The following ZNF248 variants were observed in gnomAD, a reference collection of about 807,000 sequenced individuals.
ZNF248 encodes the protein KRAB protein domain.
ZNF248 carries 20 observed loss-of-function variants against 44.3 expected under a neutral mutation model. The ratio of observed to expected loss-of-function variants is 0.45; its 90% CI spans 0.32 to 0.66. ZNF248 has a LOEUF of 0.66. ZNF248 is among the 30% of genes least tolerant of loss of function. ZNF248 has a pLI of 0.04. For missense variants in ZNF248, 654 were observed against 677.0 expected, an observed-to-expected ratio of 0.97 and a Z score of 0.38; for synonymous variants, 224 against 229.0, an observed-to-expected ratio of 0.98 and a Z score of 0.20.
Position 37,820,447 on chromosome 10 carries a change from G to T in ZNF248, c.330+12578C>A, listed in dbSNP as rs1252856384. ...CCTCCGTTGCCTCCTTTGCAGTGCT[G>T]CCATCTAAACCACAGAGGGGCTGTT... On this transcript the variant is annotated intron_variant, in intron 6 of 6. Coordinates refer to the ZNF248 transcript ENST00000615949. 3 of 1,581,246 alleles carry T rather than the reference G, an allele frequency of 1.9e-6. No individual in the cohort carries two copies. The East Asian group carries it at 6.7e-5, about 35-fold the overall frequency.
chr10:37,769,126 G>A, the ZNF248 span, among the ~76,000 whole-genome samples: 2,065 of 152,180 alleles, frequency 0.014, 49 homozygotes, highest in African/African-American at 0.047. Flanking sequence ...TGTGGCAATA[G>A]TCAATAGCTT....
the ZNF248 span, among the ~76,000 whole-genome samples, chr10:37,761,522 A>C: frequency 6.6e-6 from 1 of 152,242 alleles, no homozygotes; most frequent in Non-Finnish European, 1.5e-5. Flanking sequence ...TTTAAATATA[A>C]GATATACATG....
chr10:37,818,240 C>T (rs2052864134), intron 6 of ZNF248, among the ~76,000 whole-genome samples: 1 of 152,142 alleles, frequency 6.6e-6, no homozygotes, highest in Non-Finnish European at 1.5e-5. Flanking sequence ...TTCAAGTCCA[C>T]AATCTTCATC....
At chr10:37,807,310 A>C (rs898288223) in intron 6 of ZNF248, among the ~76,000 whole-genome samples, 2 of 152,148 alleles carry the variant, frequency 1.3e-5, no homozygotes, top group Non-Finnish European at 2.9e-5. Context: ...ATTATGATTT[A>C]TAGCTTTGTA....
intron 6 of ZNF248, among the ~76,000 whole-genome samples, chr10:37,799,514 G>A (rs1339348880): frequency 6.6e-6 from 1 of 152,078 alleles, no homozygotes; most frequent in African/African-American, 2.4e-5. Flanking sequence ...AGCTGAGATC[G>A]CGCCACTGCA....
chr10:37,821,909 C>T (rs1354734091), intron 6 of ZNF248, among the ~76,000 whole-genome samples: 5 of 152,228 alleles, frequency 3.3e-5, no homozygotes, highest in Non-Finnish European at 5.9e-5. Flanking sequence ...CAAACTACCT[C>T]TCCAGTTCTC....
At chr10:37,827,702 GA>G (rs2054605023), downstream of ZNF248, among the ~76,000 whole-genome samples, 1 of 152,180 alleles carries the variant, frequency 6.6e-6, no homozygotes, top group Non-Finnish European at 1.5e-5. Context: ...GAAAAGGAGA[GA>G]TATGATGAAA....
intron 6 of ZNF248, among the ~76,000 whole-genome samples, chr10:37,782,235 T>C (rs2047400927): frequency 6.6e-6 from 1 of 152,116 alleles, no homozygotes; most frequent in Admixed American, 6.6e-5. Flanking sequence ...AAACAGATTG[T>C]TTTTTTGAGT....
At chr10:37,770,646 T>G in the ZNF248 span, among the ~76,000 whole-genome samples, 600 of 152,298 alleles carry the variant, frequency 3.9e-3, 7 homozygotes, top group African/African-American at 0.014. Flanking sequence ...GACTTACATG[T>G]TAGACCTAAA....
intron 6 of ZNF248, among the ~76,000 whole-genome samples, chr10:37,822,660 C>T (rs2053665034): frequency 6.6e-6 from 1 of 151,232 alleles, no homozygotes; most frequent in Admixed American, 6.6e-5. Context: ...TCAGGGGTGT[C>T]CAATCTTTTG....
At chr10:37,776,613 C>A in intron 6 of ZNF248, 2 of 397,940 alleles carry the variant, frequency 5.0e-6, no homozygotes, top group Non-Finnish European at 8.9e-6. Flanking sequence ...AAACTTCACT[C>A]AGGGTTCCAA....
intron 6 of ZNF248, chr10:37,821,055 T>TGAAGTGAGCA: frequency 4.5e-6 from 4 of 884,502 alleles, no homozygotes; most frequent in Non-Finnish European, 7.2e-6. Context: ...TTTTAATCAG[T>TGAAGTGAGCA]TATGCTCACT....
intron 6 of ZNF248, among the ~76,000 whole-genome samples, chr10:37,780,099 T>C (rs1308396612): frequency 6.7e-6 from 1 of 149,754 alleles, no homozygotes; most frequent in Admixed American, 6.8e-5. Flanking sequence ...CCCAAGGTAA[T>C]TTACAGATTC....
At position 37,830,419 on chromosome 10, in the gene ZNF248, G is replaced by T; in HGVS notation, c.*1196C>A. 2.0e-6 allele frequency: 2 copies of T among 985,266 alleles called. No homozygotes were observed. The highest frequency in any genetic ancestry group is 2.4e-6 in the Non-Finnish European group (2 of 829,898). 61.0% of individuals were successfully genotyped at this position (985,266 alleles called of 1,614,324 possible). ...AATATTTCACTAAAAACATATACTG[G>T]CCAACCTACAAAGAGACTCCGGTAG... On this transcript the variant is annotated 3_prime_UTR_variant, in exon 6 of 6. Transcript: ENST00000395867.
rs975364511 is a variant in ZNF248, at chr10:37,829,674, C to G, written c.*1941G>C. The G allele has an allele frequency of 1.4e-5, 14 of 985,288 alleles. No individual in the cohort carries two copies. Among genetic ancestry groups the G allele is most frequent in the Non-Finnish European group, 1.7e-5 (14 of 829,940 alleles). The allele number at this position is 985,288 out of a possible 1,614,324, so 61.0% of individuals were successfully genotyped here. A position where few individuals can be genotyped will look rare whatever the true frequency, so the allele number is the denominator to read the frequency against. ...CTTTTCCCACCTTGTGCACTGTTAT[C>G]TTCAGGCTACTGCCCTTCAGAGATA... On this transcript the variant is annotated 3_prime_UTR_variant, in exon 6 of 6. Transcript: ENST00000395867.
intron 6 of ZNF248, among the ~76,000 whole-genome samples, chr10:37,786,242 C>T (rs909758271): frequency 1.3e-5 from 2 of 152,288 alleles, no homozygotes; most frequent in African/African-American, 2.4e-5. Context: ...GATGATTTCA[C>T]GGGAATCCTT....
downstream of ZNF248, among the ~76,000 whole-genome samples, chr10:37,772,389 TAATA>T (rs921580038): frequency 6.6e-6 from 1 of 152,110 alleles, no homozygotes; most frequent in Admixed American, 6.6e-5. Flanking sequence ...GTTACATATA[TAATA>T]TATATTGCCA....
chr10:37,820,883 T>C lies in ZNF248; in HGVS notation c.330+12142A>G, dbSNP rs10827830. 12,202 of 1,341,044 alleles carry C rather than the reference T, an allele frequency of 9.1e-3. 300 individuals carry two copies. The highest frequency in any genetic ancestry group is 0.084 in the African/African-American group (5,823 of 69,580). The allele number at this position is 1,341,044 out of a possible 1,614,324, so 83.1% of individuals were successfully genotyped here. A position where few individuals can be genotyped will look rare whatever the true frequency, so the allele number is the denominator to read the frequency against. On this transcript the variant is annotated intron_variant, in intron 6 of 6. Transcript: ENST00000615949. ...TATTTCTTCTTGCATATTTATTGTT[T>C]TTTCCTCTTCTAGTTTTCCTTACTA...
At chr10:37,774,371 AC>A (rs1441130839), downstream of ZNF248, among the ~76,000 whole-genome samples, 1 of 152,200 alleles carries the variant, frequency 6.6e-6, no homozygotes, top group Non-Finnish European at 1.5e-5. Context: ...AGCACATCTA[AC>A]CAGTGAGAGC....
Sources: gnomAD v4.1 joint callset for allele counts (sites outside exome capture counted in the v4.1 genomes callset) on GRCh38, gnomAD v4.1.1 for gene constraint, MANE v1.5 for transcripts, NCBI Gene and HGNC (gene_info 2026-07-23, HGNC 2026-07-21) for gene names.